The following CDH4 variants were observed in gnomAD, a reference collection of about 807,000 sequenced individuals.
The protein encoded by CDH4 is cadherin 4.
In CDH4, 33 loss-of-function variants were observed where a neutral mutation model predicts 86.0. The observed-to-expected ratio is 0.38, with a 90% confidence interval of 0.29 to 0.51. The LOEUF is 0.51. Among genes scored for constraint, CDH4 ranks in the 20% least tolerant of loss-of-function variants. CDH4 has a pLI of 0.86. For synonymous variants in CDH4, 555 were observed against 549.4 expected (o/e 1.01, Z -0.14); for missense variants, 1,114 against 1,307.4 (o/e 0.85, Z 2.28).
intron 2 of CDH4, among the ~76,000 whole-genome samples, chr20:61,737,380 G>A (rs1174986190): frequency 3.3e-5 from 5 of 152,138 alleles, no homozygotes; most frequent in Non-Finnish European, 7.3e-5. Context: ...ACCCCCAGCA[G>A]AACAAGAGAT....
In CDH4 at chr20:61,879,505, C is replaced by T. The variant is rs1402023984; in HGVS notation, c.1050+5605C>T. Among the ~76,000 whole-genome samples, 1 of 152,344 alleles carries T rather than the reference C, an allele frequency of 6.6e-6. No homozygotes were observed. Among genetic ancestry groups the T allele is most frequent in the South Asian group, 2.1e-4 (1 of 4,828 alleles). On this transcript the variant is annotated intron_variant, in intron 7 of 15. Coordinates refer to ENST00000614565, the MANE Select transcript of CDH4 (RefSeq NM_001794.5). This position sits in a 1 kb window ranked among gnomAD's most constrained non-coding sequence, Gnocchi z 4.1. ...TCATCTTTAGGAAGAAGAAAATCCA[C>T]AAACATCATTGCCGCCGTGTCTAAT...
At chr20:61,886,398 C>G (rs1984540191) in intron 7 of CDH4, among the ~76,000 whole-genome samples, 1 of 152,206 alleles carries the variant, frequency 6.6e-6, no homozygotes, top group African/African-American at 2.4e-5. Flanking sequence ...TGAGCAAAAA[C>G]CCCAGGGATG....
At chr20:61,677,679 A>G (rs542342609) in intron 2 of CDH4, among the ~76,000 whole-genome samples, 213 of 148,210 alleles carry the variant, frequency 1.4e-3, no homozygotes, top group African/African-American at 4.8e-3. Context: ...GTGGGTGGAC[A>G]GACGGACGGA....
chr20:61,375,304 T>A (rs894703672), intron 2 of CDH4, among the ~76,000 whole-genome samples: 5 of 152,146 alleles, frequency 3.3e-5, no homozygotes, highest in African/African-American at 9.7e-5. Flanking sequence ...ATGGTAGCAG[T>A]GCTGATGGAG....
intron 2 of CDH4, among the ~76,000 whole-genome samples, chr20:61,341,683 G>A (rs2084649995): frequency 6.6e-6 from 1 of 152,064 alleles, no homozygotes; most frequent in African/African-American, 2.4e-5. Context: ...TTGATTAATT[G>A]CCATGTGCTA....
chr20:61,601,369 A>G (rs2086599197), intron 2 of CDH4, among the ~76,000 whole-genome samples: 1 of 152,110 alleles, frequency 6.6e-6, no homozygotes, highest in Admixed American at 6.5e-5. Context: ...GTTCAACGGG[A>G]GATTTGGGTA....
At chr20:61,315,614 G>T (rs561759679) in intron 2 of CDH4, among the ~76,000 whole-genome samples, 2 of 152,228 alleles carry the variant, frequency 1.3e-5, no homozygotes, top group East Asian at 3.9e-4. Context: ...GGACCTGTTC[G>T]TCATGAGGCT....
chr20:61,857,997 CTG>C (rs1158159685), intron 6 of CDH4, among the ~76,000 whole-genome samples: 2 of 143,772 alleles, frequency 1.4e-5, no homozygotes, highest in African/African-American at 2.6e-5. Flanking sequence ...GTGTGTGTCT[CTG>C]TGTGTCTCTG....
At chr20:61,585,557 G>A in intron 2 of CDH4, among the ~76,000 whole-genome samples, 1 of 152,224 alleles carries the variant, frequency 6.6e-6, no homozygotes, top group East Asian at 1.9e-4. Flanking sequence ...CAATTTAATA[G>A]GAATTTATTG....
chr20:61,387,957 C>G (rs139982290), intron 2 of CDH4, among the ~76,000 whole-genome samples: 5 of 152,216 alleles, frequency 3.3e-5, no homozygotes, highest in African/African-American at 1.2e-4. Flanking sequence ...GTGTGTTTAG[C>G]TAAAAGGTAT....
chr20:61,853,109 C>T (rs929643209), intron 6 of CDH4, among the ~76,000 whole-genome samples: 30 of 152,310 alleles, frequency 2.0e-4, no homozygotes, highest in Admixed American at 1.2e-3. Context: ...AGGTGAGAAG[C>T]GATTGCAGCC....
At chr20:61,760,847 G>T (rs2088625049) in intron 3 of CDH4, among the ~76,000 whole-genome samples, 2 of 152,180 alleles carry the variant, frequency 1.3e-5, no homozygotes, top group African/African-American at 2.4e-5. Flanking sequence ...TGTCATTGAT[G>T]TAAGAAAAAA....
chr20:61,266,483 G>A (rs548498658), intron 2 of CDH4, among the ~76,000 whole-genome samples: 4 of 151,778 alleles, frequency 2.6e-5, no homozygotes, highest in Admixed American at 1.3e-4. Context: ...GAGTTGAGAT[G>A]CCATCTATAT....
intron 4 of CDH4, among the ~76,000 whole-genome samples, chr20:61,843,948 G>A (rs1982303819): frequency 6.6e-6 from 1 of 152,178 alleles, no homozygotes; most frequent in Non-Finnish European, 1.5e-5. Context: ...CTCACCTGTG[G>A]TGGGCTGGTG....
At chr20:61,884,266 G>A (rs904719645) in intron 7 of CDH4, among the ~76,000 whole-genome samples, 2 of 152,210 alleles carry the variant, frequency 1.3e-5, no homozygotes, top group African/African-American at 2.4e-5. Context: ...AGCTGAGGCA[G>A]CTGCACGTCA....
chr20:61,310,622 C>T (rs551944312), intron 2 of CDH4, among the ~76,000 whole-genome samples: 2 of 152,148 alleles, frequency 1.3e-5, no homozygotes, highest in Non-Finnish European at 2.9e-5. Context: ...TCCTAACAGG[C>T]CATGCACTGC....
intron 2 of CDH4, among the ~76,000 whole-genome samples, chr20:61,354,073 C>G (rs2084732004): frequency 6.6e-6 from 1 of 151,942 alleles, no homozygotes; most frequent in African/African-American, 2.4e-5. Flanking sequence ...GTGATTTTGC[C>G]CTCAAGGGAC....
chr20:61,523,179 G>C (rs1278909681), intron 2 of CDH4, among the ~76,000 whole-genome samples: 1 of 152,218 alleles, frequency 6.6e-6, no homozygotes, highest in Non-Finnish European at 1.5e-5. Flanking sequence ...GCGGCTCCAT[G>C]CCAGAACGGT....
In CDH4 at chr20:61,690,206, A is replaced by G. The variant is rs66937357; in HGVS notation, c.170-53357A>G. Among the ~76,000 whole-genome samples, 679 of 151,754 alleles carry G rather than the reference A, an allele frequency of 4.5e-3. 2 individuals are homozygous for G. The highest frequency in any genetic ancestry group is 0.016 in the African/African-American group (642 of 41,300). On this transcript the variant is annotated intron_variant, in intron 2 of 15. Transcript: ENST00000614565. ...TGAGGTGATGTGGAATTGGGCTGGG[A>G]TAATGTTTGGGTGAGCTGATGTGTA...
Sources: allele counts gnomAD v4.1 joint callset (sites outside exome capture counted in the v4.1 genomes callset), GRCh38; gene constraint gnomAD v4.1.1; non-coding constraint Gnocchi (gnomAD v3.1); transcripts MANE v1.5; gene names NCBI Gene and HGNC (gene_info 2026-07-23, HGNC 2026-07-21).